Variants in WDR11 observed in about 807,000 individuals in gnomAD.
WDR11 encodes the protein WD repeat domain 11.
In WDR11, 83 loss-of-function variants were observed where a neutral mutation model predicts 151.2. The observed-to-expected ratio is 0.55, with a 90% CI of 0.46 to 0.66. The LOEUF (loss-of-function observed/expected upper bound fraction) is 0.66, where lower values mean the gene tolerates loss of function less well. WDR11 is among the 30% of genes least tolerant of loss of function. The pLI, the probability that WDR11 is intolerant of heterozygous loss-of-function variation, is 0.00. For missense variants in WDR11, 1,301 were observed against 1,480.9 expected, an observed-to-expected ratio of 0.88 and a Z score of 1.99; for synonymous variants, 484 against 533.1, an observed-to-expected ratio of 0.91 and a Z score of 1.27.
chr10:120,881,141 A>T (rs1233335087), intron 13 of WDR11, among the ~76,000 whole-genome samples: 1 of 152,218 alleles, frequency 6.6e-6, no homozygotes, highest in African/African-American at 2.4e-5. Flanking sequence ...TTACTTTCGG[A>T]TAAAGTTCTT....
intron 27 of WDR11, chr10:120,906,478 G>T: frequency 7.8e-7 from 1 of 1,285,678 alleles, no homozygotes; most frequent in African/African-American, 1.5e-5. Flanking sequence ...TATGACAAAA[G>T]ATTACTTGTC....
chr10:120,897,332 A>C (rs913181245), intron 19 of WDR11, among the ~76,000 whole-genome samples: 2 of 152,216 alleles, frequency 1.3e-5, no homozygotes. Context: ...ATACACAAGC[A>C]AGGATCACTT....
chr10:120,885,712 A>G, intron 14 of WDR11, 102 bp from the exon 15 acceptor site: 5 of 1,436,102 alleles, frequency 3.5e-6, no homozygotes, highest in Non-Finnish European at 2.9e-6. Context: ...TGTAGTAATA[A>G]TAAATGATAC....
intron 26 of WDR11, 79 bp downstream of exon 26, chr10:120,905,495 T>TAAA (rs1848003886): frequency 2.7e-6 from 4 of 1,503,092 alleles, no homozygotes; most frequent in Non-Finnish European, 3.7e-6. Flanking sequence ...ACTTATGACT[T>TAAA]AGAAACATTT....
Position 120,860,105 on chromosome 10 carries a change from C to G in WDR11, c.353-4C>G. On this transcript the variant is annotated splice_polypyrimidine_tract_variant and splice_region_variant and intron_variant, in intron 3 of 28. Transcript: ENST00000263461. The stretch of plus-strand genomic sequence containing the variant: ...TTTTGCCTTTCTTTATCGGGTCTTT[C>G]CAGATGTTCAGTGGTTGTGGAATCA... The G allele has an allele frequency of 1.2e-6, 2 of 1,614,042 alleles. No homozygotes were observed. Among genetic ancestry groups the G allele is most frequent in the Non-Finnish European group, 1.7e-6 (2 of 1,180,006 alleles).
chr10:120,888,200 A>T (rs1012163582), intron 16 of WDR11, among the ~76,000 whole-genome samples: 4 of 152,238 alleles, frequency 2.6e-5, no homozygotes, highest in African/African-American at 9.6e-5. Flanking sequence ...GCTAACATGT[A>T]TTGACTATTT....
At chr10:120,880,132 T>C (rs1225939712) in intron 12 of WDR11, 1 of 152,336 alleles carries the variant, frequency 6.6e-6, no homozygotes, top group East Asian at 1.9e-4. Context: ...GGAATGTTTG[T>C]ATTAAATATT....
rs1393370905 is a variant in WDR11 at position 120,902,301 on chromosome 10, A to G, written c.2732A>G (p.Gln911Arg). ...LLLDPEFTLL[Q>R]RCLLVSRLYG... is the part of the protein sequence containing the mutation. ...CTTGATCCAGAATTCACTCTCTTGC[A>G]GAGGTGCCTGCTTGTTTCAAGGTAA... is the stretch of plus-strand genomic sequence containing the variant. The change falls in exon 22 of 29, where the codon CAG becomes CGG. Residue 911 changes from glutamine to arginine, a missense_variant. Physicochemically the swap from Gln to Arg is conservative, Grantham distance 43. This residue lies in a region of WDR11 where 589 missense variants were observed against 670.6 expected (regional missense o/e 0.88). Coordinates refer to ENST00000263461, the MANE Select transcript of WDR11 (RefSeq NM_018117.12). 1 of 1,614,094 alleles carries G rather than the reference A, an allele frequency of 6.2e-7. No homozygotes were observed. Among genetic ancestry groups the G allele is most frequent in the Non-Finnish European group, 8.5e-7 (1 of 1,179,948 alleles).
chr10:120,876,268 C>T (rs372879931), intron 11 of WDR11, among the ~76,000 whole-genome samples: 9 of 152,286 alleles, frequency 5.9e-5, no homozygotes, highest in African/African-American at 2.2e-4. Context: ...GCGTGAGCCA[C>T]CGCGCCAGGC....
intron 19 of WDR11, among the ~76,000 whole-genome samples, chr10:120,899,417 T>G (rs909726371): frequency 2.0e-5 from 3 of 152,228 alleles, no homozygotes; most frequent in Non-Finnish European, 1.5e-5. Flanking sequence ...TGCTATTTGT[T>G]GAATCATTGC....
At chr10:120,890,145 TCTTTA>T (rs979331055) in intron 18 of WDR11, 136 bp downstream of exon 18, 235 of 662,084 alleles carry the variant, frequency 3.5e-4, no homozygotes, top group Non-Finnish European at 5.9e-4. Context: ...CAAATTATTT[TCTTTA>T]CTTTACAGTA....
Position 120,871,158 on chromosome 10 carries a change from A to G in WDR11, c.1295-12A>G, listed in dbSNP as rs1485080224. ...TGTAGTTAATATATTTGTTATTTTT[A>G]TTACAAATCAGGGCAAAGTGCAATT... On this transcript the variant is annotated splice_polypyrimidine_tract_variant and intron_variant, in intron 9 of 28. Coordinates refer to ENST00000263461, the MANE Select transcript of WDR11 (RefSeq NM_018117.12). 1.9e-6 allele frequency: 3 copies of G among 1,613,836 alleles called. No homozygotes were observed. The highest frequency in any genetic ancestry group is 2.2e-5 in the East Asian group (1 of 44,894).
At chr10:120,860,374 T>A (rs1489593655) in intron 4 of WDR11, 92 bp downstream of exon 4, 4 of 1,430,912 alleles carry the variant, frequency 2.8e-6, no homozygotes, top group Non-Finnish European at 3.8e-6. Flanking sequence ...ACATTATACA[T>A]CTATAATGTT....
At chr10:120,858,843 C>A in intron 3 of WDR11, 47 bp downstream of exon 3, 5 of 1,611,696 alleles carry the variant, frequency 3.1e-6, no homozygotes, top group Non-Finnish European at 4.2e-6. Flanking sequence ...TACACTTACT[C>A]TTGGAGTGGT....
At position 120,897,633 on chromosome 10, in the gene WDR11, G is replaced by A. The variant is rs115508153; in HGVS notation, c.2516-2396G>A. On this transcript the variant is annotated intron_variant, in intron 19 of 28. Coordinates refer to ENST00000263461, the MANE Select transcript of WDR11 (RefSeq NM_018117.12). ...AATCAGAAAACAGACAAGTTAGAACGTAGGGCATTCTCCACAGCAGCTGAC... is the reference window on the plus strand; with the variant it reads ...AATCAGAAAACAGACAAGTTAGAACATAGGGCATTCTCCACAGCAGCTGAC... Among the ~76,000 whole-genome samples the A allele has an allele frequency of 3.7e-3, 560 of 152,244 alleles. 3 individuals are homozygous for A. The highest frequency in any genetic ancestry group is 0.013 in the African/African-American group (522 of 41,540).
In WDR11 at chr10:120,866,662, G is replaced by T. The variant is rs1342807922; in HGVS notation, c.1088G>T (p.Cys363Phe). The T allele has an allele frequency of 6.2e-7, 1 of 1,614,074 alleles. No homozygotes were observed. The highest frequency in any genetic ancestry group is 8.5e-7 in the Non-Finnish European group (1 of 1,180,044). Reference sequence around the variant, plus strand: ...ACCGTCCGTCCCTTCAGTATGGTGTGCTGTCCTGTCAATGAGAATGCAGCC... The same window carrying T: ...ACCGTCCGTCCCTTCAGTATGGTGTTCTGTCCTGTCAATGAGAATGCAGCC... ...TKTVRPFSMV[C>F]CPVNENAAAL... Residue 363 changes from cysteine (C) to phenylalanine (F), a missense_variant, in exon 8 of 29, where the codon TGC (cysteine) becomes TTC (phenylalanine). Around this residue, in one of 3 missense-constraint regions of WDR11, gnomAD observed 692 missense variants for 762.5 expected, o/e 0.91. Transcript: ENST00000263461.
intron 2 of WDR11, among the ~76,000 whole-genome samples, 173 bp from the exon 3 acceptor site, chr10:120,858,470 C>A (rs960502879): frequency 6.6e-6 from 1 of 152,194 alleles, no homozygotes; most frequent in Admixed American, 6.5e-5. Context: ...TTAAAGATAT[C>A]TACCAAAGTA....
At chr10:120,857,169 A>G (rs1462547708) in intron 2 of WDR11, among the ~76,000 whole-genome samples, 1 of 152,182 alleles carries the variant, frequency 6.6e-6, no homozygotes, top group Admixed American at 6.5e-5. Flanking sequence ...ACCTATTTAA[A>G]CAGTGAAGTC....
At chr10:120,904,275 A>C (rs575723357) in intron 24 of WDR11, 133 bp downstream of exon 24, 120 of 741,732 alleles carry the variant, frequency 1.6e-4, no homozygotes, top group Middle Eastern at 3.8e-4. Context: ...TAGACAGTTT[A>C]GGCTTTCTTT....
Sources: allele counts gnomAD v4.1 joint callset (sites outside exome capture counted in the v4.1 genomes callset), GRCh38; gene constraint gnomAD v4.1.1; regional missense constraint gnomAD v4.1.1; transcripts MANE v1.5; gene names NCBI Gene and HGNC (gene_info 2026-07-23, HGNC 2026-07-21).